Variants in THSD7B observed in about 807,000 individuals in gnomAD.
THSD7B encodes thrombospondin type-1 domain-containing protein 7B.
A neutral mutation model predicts 213.6 loss-of-function variants in THSD7B; 138 were observed. That is an observed-to-expected ratio of 0.65 (90% CI 0.56 to 0.74). THSD7B has a LOEUF of 0.74. Ranked by LOEUF, THSD7B falls within the 30% of genes least tolerant of loss-of-function variation. The pLI, the probability that THSD7B is intolerant of heterozygous loss-of-function variation, is 0.00. For synonymous variants in THSD7B, 742 were observed against 687.0 expected (o/e 1.08, Z -1.25); for missense variants, 1,931 against 1,991.5 (o/e 0.97, Z 0.58).
chr2:137,466,484 G>C (rs917626854), intron 15 of THSD7B, among the ~76,000 whole-genome samples: 3 of 151,912 alleles, frequency 2.0e-5, no homozygotes, highest in Non-Finnish European at 2.9e-5. Context: ...ATTATGAGAT[G>C]GTTTTTTTTT....
At chr2:137,115,409 T>C in intron 5 of THSD7B, 116 bp downstream of exon 5, 1 of 1,205,758 alleles carries the variant, frequency 8.3e-7, no homozygotes, top group Non-Finnish European at 1.1e-6. Flanking sequence ...ATTTAATATT[T>C]ATTTTGTTGA....
At chr2:137,337,850 CATT>C (rs1275246643) in intron 12 of THSD7B, among the ~76,000 whole-genome samples, 1 of 152,032 alleles carries the variant, frequency 6.6e-6, no homozygotes, top group East Asian at 1.9e-4. Context: ...CCATTACTAT[CATT>C]ATGTTGTTGC....
At chr2:137,536,242 A>T (rs917183527) in intron 15 of THSD7B, among the ~76,000 whole-genome samples, 3 of 151,214 alleles carry the variant, frequency 2.0e-5, no homozygotes, top group Admixed American at 6.6e-5. Context: ...ACTCAGACTC[A>T]GACTTTCCCG....
At chr2:136,905,004 C>T (rs1433373389) in intron 2 of THSD7B, among the ~76,000 whole-genome samples, 1 of 152,206 alleles carries the variant, frequency 6.6e-6, no homozygotes, top group Non-Finnish European at 1.5e-5. Context: ...CTTTCATCCA[C>T]TACTTCCTTG....
intron 12 of THSD7B, among the ~76,000 whole-genome samples, chr2:137,303,706 A>ATATATATATATT (rs1553437351): frequency 1.6e-5 from 2 of 122,154 alleles, no homozygotes; most frequent in East Asian, 4.5e-4. Flanking sequence ...ATATATATTT[A>ATATATATATATT]TATATATATT....
chr2:137,085,455 A>T (rs1687820387), intron 3 of THSD7B, among the ~76,000 whole-genome samples: 1 of 152,174 alleles, frequency 6.6e-6, no homozygotes, highest in East Asian at 1.9e-4. Context: ...ATGTAAGATG[A>T]AATATTGCAG....
At chr2:137,666,415 A>T (rs1683447518) in intron 26 of THSD7B, among the ~76,000 whole-genome samples, 1 of 152,092 alleles carries the variant, frequency 6.6e-6, no homozygotes, top group African/African-American at 2.4e-5. Context: ...CTCATTCTAA[A>T]ATCTGATTGA....
At chr2:136,848,876 TTCTC>T (rs72243621) in intron 1 of THSD7B, among the ~76,000 whole-genome samples, 21,279 of 152,082 alleles carry the variant, frequency 0.14, 1,558 homozygotes, top group Middle Eastern at 0.34. Context: ...TTTTACTCCC[TTCTC>T]TCTCAGTTTT....
chr2:137,453,113 C>G lies in THSD7B; in HGVS notation c.3138+2090C>G, dbSNP rs189568105. ...CTTTTAGTTTGTTATAAAGAGATTTCAGATATCAAGTATGTATGTGGCTAA... is the reference window on the plus strand; with the variant it reads ...CTTTTAGTTTGTTATAAAGAGATTTGAGATATCAAGTATGTATGTGGCTAA... On this transcript the variant is annotated intron_variant, in intron 15 of 27. Coordinates refer to ENST00000409968, the MANE Select transcript of THSD7B (RefSeq NM_001316349.2). 6.2e-4 allele frequency among the ~76,000 whole-genome samples: 94 copies of G among 151,860 alleles called. 1 individual carries two copies. Among genetic ancestry groups the G allele is most frequent in the African/African-American group, 2.2e-3 (91 of 41,416 alleles).
In THSD7B at chr2:137,259,526, C is replaced by T. The variant is rs541744467; in HGVS notation, c.2267-13007C>T. Among the ~76,000 whole-genome samples, 43 of 151,956 alleles carry T rather than the reference C, an allele frequency of 2.8e-4. No homozygotes were observed. The South Asian group carries it at 4.4e-3, about 15-fold the overall frequency. ...TTTATATCCTTTGCCCACTTTTTGA[C>T]GGGGTTGTTTTTTTCTTGTAAATTT... On this transcript the variant is annotated intron_variant, in intron 10 of 27. Transcript: ENST00000409968.
chr2:137,422,663 A>G (rs899458526), intron 14 of THSD7B, among the ~76,000 whole-genome samples: 1 of 152,228 alleles, frequency 6.6e-6, no homozygotes, highest in Non-Finnish European at 1.5e-5. Context: ...AAACATATTC[A>G]TAGTCTAATA....
intron 12 of THSD7B, among the ~76,000 whole-genome samples, chr2:137,388,080 G>T (rs1384633449): frequency 6.6e-6 from 1 of 152,142 alleles, no homozygotes; most frequent in Non-Finnish European, 1.5e-5. Flanking sequence ...GGCTCAAGAG[G>T]CTTTGGTGGA....
At chr2:137,567,319 C>G (rs1681259309) in intron 16 of THSD7B, among the ~76,000 whole-genome samples, 1 of 152,090 alleles carries the variant, frequency 6.6e-6, no homozygotes, top group Admixed American at 6.6e-5. Context: ...CAGGTGCCCA[C>G]CACCACACCC....
chr2:137,045,392 G>A (rs1686951920), intron 2 of THSD7B, among the ~76,000 whole-genome samples: 1 of 152,160 alleles, frequency 6.6e-6, no homozygotes, highest in Non-Finnish European at 1.5e-5. Context: ...GTGACTAGTG[G>A]AGAGGCAGCA....
At chr2:137,395,763 A>G (rs1210687776) in intron 12 of THSD7B, among the ~76,000 whole-genome samples, 15 of 151,712 alleles carry the variant, frequency 9.9e-5, no homozygotes, top group African/African-American at 2.7e-4. Flanking sequence ...TGTACCTCTG[A>G]TAGAATTCAG....
chr2:137,508,756 T>G (rs989075733), intron 15 of THSD7B, among the ~76,000 whole-genome samples: 1 of 152,088 alleles, frequency 6.6e-6, no homozygotes, highest in Non-Finnish European at 1.5e-5. Context: ...CCTGGGCAAG[T>G]GCTGCCCTGT....
chr2:137,138,751 A>G (rs2104961690), intron 5 of THSD7B, among the ~76,000 whole-genome samples: 1 of 152,330 alleles, frequency 6.6e-6, no homozygotes, highest in South Asian at 2.1e-4. Flanking sequence ...ACATTTAATA[A>G]GAAAATGTGT....
At chr2:137,650,682 C>T (rs764712724) in intron 21 of THSD7B, among the ~76,000 whole-genome samples, 1 of 152,148 alleles carries the variant, frequency 6.6e-6, no homozygotes, top group Non-Finnish European at 1.5e-5. Flanking sequence ...AAACGCTTTC[C>T]ATTTTTCTCC....
intron 18 of THSD7B, among the ~76,000 whole-genome samples, chr2:137,617,610 G>A (rs1479129476): frequency 3.3e-5 from 5 of 152,066 alleles, no homozygotes; most frequent in Admixed American, 3.3e-4. Flanking sequence ...TTAAATGATT[G>A]GATTTAGTAT....
Sources: gnomAD v4.1 joint callset for allele counts (sites outside exome capture counted in the v4.1 genomes callset) on GRCh38, gnomAD v4.1.1 for gene constraint, MANE v1.5 for transcripts, NCBI Gene and HGNC (gene_info 2026-07-23, HGNC 2026-07-21) for gene names.